The following ZNF536 variants were observed in gnomAD, a reference collection of about 807,000 sequenced individuals.
ZNF536 encodes the protein zinc finger protein 536.
A neutral mutation model predicts 84.5 loss-of-function variants in ZNF536; 13 were observed. That is an observed-to-expected ratio of 0.15 (90% CI 0.10 to 0.24). The LOEUF is 0.24. Ranked by LOEUF, ZNF536 falls within the 10% of genes least tolerant of loss-of-function variation. The probability of loss-of-function intolerance (pLI) is 1.00; values close to 1 mark genes in which losing one functional copy is unlikely to be tolerated. For synonymous variants in ZNF536, 811 were observed against 742.5 expected (o/e 1.09, Z -1.50); for missense variants, 1,536 against 1,747.5 (o/e 0.88, Z 2.16).
chr19:30,687,564 T>C (rs1203360128), intron 1 of ZNF536, among the ~76,000 whole-genome samples: 1 of 152,228 alleles, frequency 6.6e-6, no homozygotes, highest in East Asian at 1.9e-4. Flanking sequence ...AAATAATCAC[T>C]ATCAGTGTAA....
chr19:30,226,986 C>CAA (rs373104006), upstream of ZNF536, among the ~76,000 whole-genome samples: 19,861 of 142,564 alleles, frequency 0.14, 1,324 homozygotes, highest in Middle Eastern at 0.22. This position sits in a 1 kb window ranked among gnomAD's most constrained non-coding sequence, Gnocchi z 4.6. Context: ...GTATTTTAGG[C>CAA]AAAAAAAAAA....
rs2148215781 is a variant in ZNF536, at chr19:30,445,218, G to A, written c.1656G>A (p.Leu552=). Residue 552 remains leucine, a synonymous_variant, in exon 2 of 5, where the codon TTG becomes TTA. Transcript: ENST00000355537. This position sits in a 1 kb window ranked among gnomAD's most constrained non-coding sequence, Gnocchi z 4.5. ...TGCAGCGCAACCACGAAGACACTTT[G>A]GCAAACGCCGGGGTTCTGTTTGATA... ...HPLQRNHEDT[L]ANAGVLFDKE... is the part of the protein sequence containing the mutation. 2 of 1,614,186 alleles carry A rather than the reference G, an allele frequency of 1.2e-6. No homozygotes were observed. The highest frequency in any genetic ancestry group is 1.6e-4 in the Middle Eastern group (1 of 6,062).
At chr19:30,635,150 C>G (rs999849119) in intron 1 of ZNF536, among the ~76,000 whole-genome samples, 4 of 152,116 alleles carry the variant, frequency 2.6e-5, no homozygotes, top group African/African-American at 9.7e-5. Context: ...GCACATTCGG[C>G]TGGTGTCCTT....
intron 2 of ZNF536, among the ~76,000 whole-genome samples, chr19:30,333,946 TG>T (rs1383818590): frequency 1.3e-5 from 2 of 152,216 alleles, no homozygotes; most frequent in Non-Finnish European, 2.9e-5. Flanking sequence ...ATCACTCTTT[TG>T]GTGTGCTATG....
intron 2 of ZNF536, among the ~76,000 whole-genome samples, chr19:30,314,375 C>T (rs931338666): frequency 2.6e-5 from 4 of 152,118 alleles, no homozygotes; most frequent in Non-Finnish European, 5.9e-5. Context: ...CTCTGCCCCT[C>T]GTCGAGACAG....
chr19:30,655,666 A>T (rs1007828925), intron 1 of ZNF536, among the ~76,000 whole-genome samples: 1 of 152,142 alleles, frequency 6.6e-6, no homozygotes, highest in Admixed American at 6.5e-5. Context: ...AAAACCTAGG[A>T]TTTTACAGAT....
intron 2 of ZNF536, among the ~76,000 whole-genome samples, chr19:30,521,349 G>T (rs1289142508): frequency 6.6e-6 from 1 of 152,206 alleles, no homozygotes; most frequent in African/African-American, 2.4e-5. Flanking sequence ...AGCAAGGGCT[G>T]CTATTCTTGC....
intron 3 of ZNF536, among the ~76,000 whole-genome samples, chr19:30,357,357 C>T (rs2048130579): frequency 6.6e-6 from 1 of 152,128 alleles, no homozygotes; most frequent in Admixed American, 6.5e-5. Flanking sequence ...GTCTAAGGGA[C>T]AGCGTGTAGG....
In ZNF536 at chr19:30,444,778, C is replaced by T. The variant is rs764952724; in HGVS notation, c.1216C>T (p.Pro406Ser). 5.0e-6 allele frequency: 8 copies of T among 1,613,836 alleles called. No homozygotes were observed. Among genetic ancestry groups the T allele is most frequent in the African/African-American group, 1.3e-5 (1 of 74,940 alleles). Residue 406 changes from proline (P) to serine (S), a missense_variant, in exon 2 of 5, where the codon CCC (proline) becomes TCC (serine). Coordinates refer to ENST00000355537, the MANE Select transcript of ZNF536 (RefSeq NM_014717.3). ...CAAGCTGTCGGTGAAGAACAAGTCCCCCAGCGACCCCGAGGTGCCTGTGCC... is the reference window on the plus strand; with the variant it reads ...CAAGCTGTCGGTGAAGAACAAGTCCTCCAGCGACCCCGAGGTGCCTGTGCC... ...LNKLSVKNKS[P>S]SDPEVPVPMG...
exon 2 of ZNF536, chr19:30,711,019 T>C (rs994488716): frequency 1.3e-5 from 2 of 152,198 alleles, no homozygotes; most frequent in East Asian, 1.9e-4. Flanking sequence ...AACCTGTATA[T>C]TGCAATAGTA....
At chr19:30,616,071 C>CT (rs1197216091) in intron 1 of ZNF536, among the ~76,000 whole-genome samples, 1 of 152,140 alleles carries the variant, frequency 6.6e-6, no homozygotes, top group Admixed American at 6.5e-5. Context: ...TTTTTAACAT[C>CT]TTTTTTCAGC....
intron 1 of ZNF536, among the ~76,000 whole-genome samples, chr19:30,650,504 T>G (rs2049660419): frequency 6.6e-6 from 1 of 152,260 alleles, no homozygotes; most frequent in Non-Finnish European, 1.5e-5. Flanking sequence ...TGCTTTTTCT[T>G]TTACCTATGG....
chr19:30,272,368 T>C (rs2025900828), intron 1 of ZNF536, among the ~76,000 whole-genome samples: 1 of 152,194 alleles, frequency 6.6e-6, no homozygotes, highest in Non-Finnish European at 1.5e-5. Flanking sequence ...CCTCTGCTAT[T>C]AAATTTGTGT....
chr19:30,276,724 G>GA (rs2026151655), intron 1 of ZNF536, among the ~76,000 whole-genome samples: 1 of 152,122 alleles, frequency 6.6e-6, no homozygotes, highest in Admixed American at 6.5e-5. Context: ...TTATCTCACT[G>GA]AAAAAATACA....
chr19:30,278,837 T>C (rs975828040), intron 1 of ZNF536, among the ~76,000 whole-genome samples: 11 of 152,184 alleles, frequency 7.2e-5, no homozygotes, highest in Non-Finnish European at 1.3e-4. Flanking sequence ...TCTGACCCCC[T>C]CTTGTCTGCT....
At chr19:30,369,821 GA>G (rs1001642755), upstream of ZNF536, among the ~76,000 whole-genome samples, 14 of 149,818 alleles carry the variant, frequency 9.3e-5, no homozygotes, top group African/African-American at 2.0e-4. Flanking sequence ...TAGATTAAGA[GA>G]AAAAAAAACA....
chr19:30,569,580 T>TTTTTTTTTTTTTTTTTTTTTTTG (rs2046470409), intron 1 of ZNF536, among the ~76,000 whole-genome samples: 1 of 126,848 alleles, frequency 7.9e-6, no homozygotes, highest in Non-Finnish European at 1.7e-5. Context: ...TTTTTTTTTT[T>TTTTTTTTTTTTTTTTTTTTTTTG]TTTTTTTTTG....
intron 2 of ZNF536, among the ~76,000 whole-genome samples, chr19:30,518,955 C>T (rs2044206584): frequency 6.6e-6 from 1 of 152,118 alleles, no homozygotes; most frequent in Admixed American, 6.5e-5. Flanking sequence ...GATGGGAAAG[C>T]CAAGTTTGCT....
chr19:30,346,795 G>A, intron 2 of ZNF536, among the ~76,000 whole-genome samples: 1 of 152,186 alleles, frequency 6.6e-6, no homozygotes, highest in Non-Finnish European at 1.5e-5. Context: ...AAATAATGCT[G>A]CAATGAACAT....
Sources: gnomAD v4.1 joint callset for allele counts (sites outside exome capture counted in the v4.1 genomes callset) on GRCh38, gnomAD v4.1.1 for gene constraint, Gnocchi (gnomAD v3.1) non-coding constraint, MANE v1.5 for transcripts, NCBI Gene and HGNC (gene_info 2026-07-23, HGNC 2026-07-21) for gene names.